The following LMNTD1 variants were observed in gnomAD, a reference collection of about 807,000 sequenced individuals.
LMNTD1 encodes lamin tail domain-containing protein 1.
In LMNTD1, 35 loss-of-function variants were observed where a neutral mutation model predicts 50.9. That is an observed-to-expected ratio of 0.69 (90% CI 0.53 to 0.91). The LOEUF (loss-of-function observed/expected upper bound fraction) is 0.91. Among genes scored for constraint, LMNTD1 ranks in the 40% least tolerant of loss-of-function variants. The pLI is 0.00. For missense variants in LMNTD1, 470 were observed against 475.5 expected (o/e 0.99, Z 0.11); for synonymous variants, 153 against 161.9 (o/e 0.94, Z 0.42).
At chr12:25,513,971 T>G (rs1296526722) in intron 8 of LMNTD1, among the ~76,000 whole-genome samples, 1 of 143,452 alleles carries the variant, frequency 7.0e-6, no homozygotes, top group Non-Finnish European at 1.5e-5. Flanking sequence ...CATAAAGGTA[T>G]CAACTCTCAA....
chr12:25,481,906 C>CACACAT (rs1555206626), intron 9 of LMNTD1, among the ~76,000 whole-genome samples: 1 of 143,886 alleles, frequency 6.9e-6, no homozygotes, highest in African/African-American at 2.7e-5. Flanking sequence ...CACACACACA[C>CACACAT]ATATAGTGAA....
intron 1 of LMNTD1, chr12:25,585,897 T>C (rs1945505104): frequency 6.6e-6 from 1 of 152,238 alleles, no homozygotes; most frequent in Admixed American, 6.5e-5. Context: ...CATTAGCTAG[T>C]TCAACTTTCA....
chr12:25,519,461 G>A (rs1042276799), intron 7 of LMNTD1, among the ~76,000 whole-genome samples: 10 of 151,778 alleles, frequency 6.6e-5, no homozygotes, highest in Non-Finnish European at 1.3e-4. Flanking sequence ...GGTGGTGGGC[G>A]CCTGTAGTCC....
intron 2 of LMNTD1, among the ~76,000 whole-genome samples, chr12:25,551,803 GTCT>G (rs1334418131): frequency 1.3e-5 from 2 of 152,182 alleles, no homozygotes; most frequent in Non-Finnish European, 2.9e-5. Context: ...CTACCTATTA[GTCT>G]TCTTTTGGAA....
intron 9 of LMNTD1, among the ~76,000 whole-genome samples, chr12:25,492,890 G>C (rs947763809): frequency 2.0e-5 from 3 of 151,932 alleles, no homozygotes; most frequent in African/African-American, 7.2e-5. Flanking sequence ...TACTTTTCTG[G>C]ACTCATCTCC....
At chr12:25,573,209 C>A (rs1047898645) in intron 1 of LMNTD1, among the ~76,000 whole-genome samples, 1 of 152,118 alleles carries the variant, frequency 6.6e-6, no homozygotes, top group Non-Finnish European at 1.5e-5. Context: ...CTTTTCTTAT[C>A]TTCAACCATT....
Position 25,609,653 on chromosome 12 carries a change from G to T in LMNTD1, c.58+38841C>A, listed in dbSNP as rs1279784346. Among the ~76,000 whole-genome samples, 3 of 152,190 alleles carry T rather than the reference G, an allele frequency of 2.0e-5. No individual in the cohort carries two copies. The East Asian group carries it at 5.8e-4, about 29-fold the overall frequency. On this transcript the variant is annotated intron_variant, in intron 1 of 7. Coordinates refer to the LMNTD1 transcript ENST00000445693. ...GTTTGCCTGGGTATCACCAGCGGAG[G>T]CTGCAGAATAGCAAATATTGTAGAA...
chr12:25,486,164 T>C (rs1185611699), intron 9 of LMNTD1, among the ~76,000 whole-genome samples: 1 of 133,928 alleles, frequency 7.5e-6, no homozygotes, highest in Non-Finnish European at 1.6e-5. Flanking sequence ...CATTTGTTTG[T>C]ATCCTCTTTT....
At chr12:25,532,060 C>A (rs1177534091) in intron 4 of LMNTD1, among the ~76,000 whole-genome samples, 1 of 151,890 alleles carries the variant, frequency 6.6e-6, no homozygotes, top group Non-Finnish European at 1.5e-5. Context: ...GTTTGAAATC[C>A]TGGTCAGAAG....
chr12:25,576,875 G>A (rs1945042889), intron 1 of LMNTD1, among the ~76,000 whole-genome samples: 2 of 152,078 alleles, frequency 1.3e-5, no homozygotes, highest in East Asian at 1.9e-4. Context: ...TGTATAAGGT[G>A]TAAGGAAGGG....
At chr12:25,533,048 T>C (rs1051801567) in intron 4 of LMNTD1, among the ~76,000 whole-genome samples, 1 of 152,214 alleles carries the variant, frequency 6.6e-6, no homozygotes, top group Non-Finnish European at 1.5e-5. Flanking sequence ...ACAAGCAAAG[T>C]GCTTATTTAT....
chr12:25,478,048 G>A (rs777603029), intron 9 of LMNTD1, among the ~76,000 whole-genome samples: 10 of 152,216 alleles, frequency 6.6e-5, no homozygotes, highest in African/African-American at 2.2e-4. Context: ...TATTCTAGCC[G>A]TACTGGCAGC....
At chr12:25,620,123 C>T (rs757106931) in intron 1 of LMNTD1, among the ~76,000 whole-genome samples, 4 of 152,222 alleles carry the variant, frequency 2.6e-5, no homozygotes, top group Non-Finnish European at 4.4e-5. Context: ...GGACTAGCTA[C>T]TGTCATAGTT....
chr12:25,506,549 A>C (rs1939799370), intron 8 of LMNTD1, among the ~76,000 whole-genome samples: 1 of 152,022 alleles, frequency 6.6e-6, no homozygotes, highest in Admixed American at 6.6e-5. Flanking sequence ...GATAATCTAC[A>C]AGCTAATCAG....
In LMNTD1 at chr12:25,476,422, T is replaced by C. The variant is rs1392095993; in HGVS notation, c.*61A>G. On this transcript the variant is annotated 3_prime_UTR_variant, in exon 10 of 10. Transcript: ENST00000458174. Reference sequence around the variant, plus strand: ...CAGGCCTCAGGGATTTGAGTTCTCTTTTGCTTTTCTAGTAGCTGGTTGAGG... The same window carrying C: ...CAGGCCTCAGGGATTTGAGTTCTCTCTTGCTTTTCTAGTAGCTGGTTGAGG... 6.6e-6 allele frequency: 1 copy of C among 152,206 alleles called. No individual in the cohort carries two copies. The highest frequency in any genetic ancestry group is 1.5e-5 in the Non-Finnish European group (1 of 68,028). 9.4% of individuals were successfully genotyped at this position (152,206 alleles called of 1,614,324 possible). A position where few individuals can be genotyped will look rare whatever the true frequency, so the allele number is the denominator to read the frequency against.
chr12:25,613,789 T>C (rs1320784761), intron 1 of LMNTD1, among the ~76,000 whole-genome samples: 2 of 46,684 alleles, frequency 4.3e-5, no homozygotes, highest in Non-Finnish European at 2.8e-4. Flanking sequence ...AGAAAGTATT[T>C]GGAAATACTT....
chr12:25,617,329 A>C (rs1946370349), intron 1 of LMNTD1, among the ~76,000 whole-genome samples: 1 of 152,212 alleles, frequency 6.6e-6, no homozygotes, highest in African/African-American at 2.4e-5. Context: ...CTTGGGTACT[A>C]TCTGCCTCTT....
chr12:25,531,111 G>T (rs1438981821), intron 4 of LMNTD1, among the ~76,000 whole-genome samples: 1 of 152,146 alleles, frequency 6.6e-6, no homozygotes, highest in Non-Finnish European at 1.5e-5. Flanking sequence ...TACTATCACA[G>T]CAAGGAATTG....
rs567599312 is a variant in LMNTD1, at chr12:25,487,773, C to T, written c.*23-11313G>A. Among the ~76,000 whole-genome samples the T allele has an allele frequency of 3.0e-4, 30 of 99,920 alleles. 1 individual carries two copies. The highest frequency in any genetic ancestry group is 4.9e-4 in the Non-Finnish European group (25 of 50,762). 65.6% of individuals were successfully genotyped at this position (99,920 alleles called of 152,430 possible). ...GGCATGATTTTGCAGCGGCTGGTAC[C>T]GGTTGTTCCTTTCCATGTTTAGCGC... is the stretch of plus-strand genomic sequence containing the variant. On this transcript the variant is annotated intron_variant, in intron 9 of 9. Transcript: ENST00000458174.
Sources: allele counts gnomAD v4.1 joint callset (sites outside exome capture counted in the v4.1 genomes callset), GRCh38; gene constraint gnomAD v4.1.1; transcripts MANE v1.5; gene names NCBI Gene and HGNC (gene_info 2026-07-23, HGNC 2026-07-21).